Variants in CHN2 observed in about 807,000 individuals in gnomAD.
CHN2 encodes beta-chimaerin.
CHN2 carries 35 observed loss-of-function variants against 56.3 expected under a neutral mutation model. The ratio of observed to expected loss-of-function variants is 0.62; its 90% CI spans 0.47 to 0.82. The LOEUF (loss-of-function observed/expected upper bound fraction) is 0.82. Among genes scored for constraint, CHN2 ranks in the 40% least tolerant of loss-of-function variants. The probability of loss-of-function intolerance (pLI) is 0.00; values close to 1 mark genes in which losing one functional copy is unlikely to be tolerated. For synonymous variants in CHN2, 210 were observed against 212.8 expected, an observed-to-expected ratio of 0.99 and a Z score of 0.12; for missense variants, 491 against 580.5, an observed-to-expected ratio of 0.85 and a Z score of 1.58.
intron 1 of CHN2, among the ~76,000 whole-genome samples, chr7:29,326,404 C>T (rs1296526025): frequency 2.6e-5 from 4 of 152,170 alleles, no homozygotes; most frequent in Non-Finnish European, 5.9e-5. Flanking sequence ...GATCCGCCTG[C>T]CTTGGCTTCC....
chr7:29,357,248 T>A (rs928273742), intron 2 of CHN2, among the ~76,000 whole-genome samples: 1 of 152,224 alleles, frequency 6.6e-6, no homozygotes, highest in Admixed American at 6.5e-5. Context: ...CTCTTTATTA[T>A]ATCCAACTAA....
chr7:29,408,440 T>C (rs566040979), intron 6 of CHN2, among the ~76,000 whole-genome samples: 12 of 152,326 alleles, frequency 7.9e-5, no homozygotes, highest in African/African-American at 2.9e-4. Flanking sequence ...ATGCCTCTTA[T>C]ATTCCTGAGG....
chr7:29,224,749 G>C (rs1024421529), intron 1 of CHN2, among the ~76,000 whole-genome samples: 3 of 152,146 alleles, frequency 2.0e-5, no homozygotes, highest in Non-Finnish European at 4.4e-5. Context: ...TCTTATAGTT[G>C]CTAAAGTGCT....
intron 2 of CHN2, among the ~76,000 whole-genome samples, chr7:29,174,139 C>A (rs35313957): frequency 1.3e-5 from 2 of 151,794 alleles, no homozygotes; most frequent in South Asian, 2.1e-4. Context: ...GAGACCCCCC[C>A]GTTTGGTGGC....
At chr7:29,287,614 C>A (rs913915767) in intron 1 of CHN2, among the ~76,000 whole-genome samples, 2 of 152,162 alleles carry the variant, frequency 1.3e-5, no homozygotes, top group Non-Finnish European at 2.9e-5. Context: ...TATGCCAAGA[C>A]ATGACTAAAA....
At chr7:29,298,654 T>C (rs1350147529) in intron 1 of CHN2, among the ~76,000 whole-genome samples, 4 of 152,210 alleles carry the variant, frequency 2.6e-5, no homozygotes, top group African/African-American at 7.2e-5. Context: ...GCAGGAGAAT[T>C]GCTTAGAACT....
At chr7:29,454,868 T>C (rs1327191370) in intron 6 of CHN2, among the ~76,000 whole-genome samples, 1 of 152,244 alleles carries the variant, frequency 6.6e-6, no homozygotes, top group Non-Finnish European at 1.5e-5. Flanking sequence ...TCAACAGTTC[T>C]GACTTTTTAA....
At chr7:29,357,697 A>G (rs1425554660) in intron 2 of CHN2, among the ~76,000 whole-genome samples, 2 of 152,190 alleles carry the variant, frequency 1.3e-5, no homozygotes, top group Non-Finnish European at 2.9e-5. Context: ...AGAAGAGGTC[A>G]AATTTGCATG....
chr7:29,269,864 T>C (rs1361493258), intron 1 of CHN2, among the ~76,000 whole-genome samples: 1 of 152,128 alleles, frequency 6.6e-6, no homozygotes, highest in Non-Finnish European at 1.5e-5. Flanking sequence ...AACCTTCCCC[T>C]CAAATCATTC....
intron 1 of CHN2, among the ~76,000 whole-genome samples, chr7:29,255,016 G>C (rs1459883956): frequency 1.3e-5 from 2 of 152,098 alleles, no homozygotes; most frequent in African/African-American, 2.4e-5. Flanking sequence ...AGACCACTGG[G>C]AGGAGGTACT....
chr7:29,472,725 G>A (rs1023612596), intron 6 of CHN2, among the ~76,000 whole-genome samples: 1 of 152,152 alleles, frequency 6.6e-6, no homozygotes, highest in Non-Finnish European at 1.5e-5. Context: ...TCAAGCCAAT[G>A]TTGGCATCAT....
intron 6 of CHN2, among the ~76,000 whole-genome samples, chr7:29,430,708 C>T (rs1251669301): frequency 1.4e-5 from 2 of 147,998 alleles, no homozygotes; most frequent in African/African-American, 5.0e-5. Flanking sequence ...AAAATATGTA[C>T]GAAGGCAGTT....
intron 6 of CHN2, among the ~76,000 whole-genome samples, chr7:29,419,294 A>G (rs1035911954): frequency 5.9e-5 from 9 of 152,218 alleles, no homozygotes; most frequent in African/African-American, 1.9e-4. Flanking sequence ...ATGCAGAAGA[A>G]TGAATTTGGA....
chr7:29,401,010 A>C, intron 6 of CHN2, 182 bp downstream of exon 6: 1 of 625,204 alleles, frequency 1.6e-6, no homozygotes, highest in Admixed American at 3.0e-5. Flanking sequence ...GTGGTGGCTC[A>C]TGCCTGTAAT....
chr7:29,214,919 G>A (rs754489340), intron 1 of CHN2, among the ~76,000 whole-genome samples: 6 of 152,140 alleles, frequency 3.9e-5, no homozygotes, highest in Non-Finnish European at 8.8e-5. Context: ...AAATAGATAC[G>A]TAGCAGTCCA....
At chr7:29,402,090 A>G (rs1376330141) in intron 6 of CHN2, among the ~76,000 whole-genome samples, 1 of 152,178 alleles carries the variant, frequency 6.6e-6, no homozygotes, top group Admixed American at 6.5e-5. Context: ...CCCGTCGTCC[A>G]GTGTCAATGG....
chr7:29,183,312 G>A (rs1372013441), intron 2 of CHN2, among the ~76,000 whole-genome samples: 1 of 151,804 alleles, frequency 6.6e-6, no homozygotes, highest in Non-Finnish European at 1.5e-5. Context: ...TCGAACTCCC[G>A]ATCTCAGGTG....
intron 5 of CHN2, 176 bp from the exon 6 acceptor site, chr7:29,400,367 C>A: frequency 1.6e-6 from 1 of 642,516 alleles, no homozygotes; most frequent in Middle Eastern, 2.6e-4. Flanking sequence ...ACAGGCATAA[C>A]CATTATACCG....
intron 1 of CHN2, among the ~76,000 whole-genome samples, chr7:29,316,065 C>G (rs553994307): frequency 6.6e-6 from 1 of 152,208 alleles, no homozygotes; most frequent in East Asian, 1.9e-4. Context: ...GCCATGCTCT[C>G]CCCTGGGCTC....
Sources: gnomAD v4.1 joint callset for allele counts (sites outside exome capture counted in the v4.1 genomes callset) on GRCh38, gnomAD v4.1.1 for gene constraint, MANE v1.5 for transcripts, NCBI Gene and HGNC (gene_info 2026-07-23, HGNC 2026-07-21) for gene names.